The following MACROD2 variants were observed in gnomAD, a reference collection of about 807,000 sequenced individuals.
MACROD2 encodes the protein ADP-ribose glycohydrolase MACROD2.
In MACROD2, 36 loss-of-function variants were observed where a neutral mutation model predicts 70.4. The ratio of observed to expected loss-of-function variants is 0.51; its 90% CI spans 0.39 to 0.68. The LOEUF is 0.68. Ranked by LOEUF, MACROD2 falls within the 30% of genes least tolerant of loss-of-function variation. The pLI is 0.00. For synonymous variants in MACROD2, 172 were observed against 178.8 expected (o/e 0.96, Z 0.30); for missense variants, 496 against 538.4 (o/e 0.92, Z 0.78).
intron 7 of MACROD2, among the ~76,000 whole-genome samples, chr20:15,491,558 C>T (rs745708886): frequency 2.0e-5 from 3 of 152,220 alleles, no homozygotes; most frequent in Non-Finnish European, 4.4e-5. Context: ...CCACTGTGGG[C>T]AAGTGGAGTG....
chr20:16,041,019 C>T (rs1045673188), intron 15 of MACROD2, among the ~76,000 whole-genome samples, 182 bp from the exon 16 acceptor site: 3 of 151,946 alleles, frequency 2.0e-5, no homozygotes, highest in African/African-American at 7.2e-5. Context: ...ACTTAGAAGG[C>T]CACACAAAAG....
intron 3 of MACROD2, among the ~76,000 whole-genome samples, chr20:14,096,514 G>T (rs994103777): frequency 1.3e-5 from 2 of 151,798 alleles, no homozygotes; most frequent in African/African-American, 4.8e-5. Flanking sequence ...TTACAGGCAG[G>T]CAGCACCACA....
At chr20:15,593,920 G>A (rs1428275984) in intron 8 of MACROD2, among the ~76,000 whole-genome samples, 3 of 152,068 alleles carry the variant, frequency 2.0e-5, no homozygotes, top group African/African-American at 7.2e-5. Context: ...GCCCTCCCTC[G>A]CCCCATGTAC....
intron 13 of MACROD2, among the ~76,000 whole-genome samples, chr20:15,968,190 G>A (rs1469129997): frequency 6.6e-6 from 1 of 152,130 alleles, no homozygotes; most frequent in Non-Finnish European, 1.5e-5. Context: ...AAATGATAAA[G>A]AAAGGCTTTT....
intron 12 of MACROD2, among the ~76,000 whole-genome samples, chr20:15,949,566 A>C (rs2147361666): frequency 6.6e-6 from 1 of 152,292 alleles, no homozygotes; most frequent in Non-Finnish European, 1.5e-5. Context: ...AAGCAGAAAC[A>C]CCTAAGAAAT....
At chr20:14,429,464 A>T (rs1231321452) in intron 3 of MACROD2, among the ~76,000 whole-genome samples, 1 of 152,216 alleles carries the variant, frequency 6.6e-6, no homozygotes, top group East Asian at 1.9e-4. Context: ...ATGGAAAGAG[A>T]TCAAGTAATG....
chr20:13,999,904 C>A (rs1973974679), intron 1 of MACROD2, among the ~76,000 whole-genome samples: 1 of 152,162 alleles, frequency 6.6e-6, no homozygotes, highest in Admixed American at 6.5e-5. Flanking sequence ...GTCCCAGCTA[C>A]TCAGGAGGCT....
At chr20:15,912,461 G>T (rs1045246084) in intron 10 of MACROD2, among the ~76,000 whole-genome samples, 1 of 152,226 alleles carries the variant, frequency 6.6e-6, no homozygotes, top group Non-Finnish European at 1.5e-5. Context: ...CTGAAGTAAT[G>T]TGAAGAGCCA....
At chr20:15,039,634 G>A (rs1434327974) in intron 5 of MACROD2, among the ~76,000 whole-genome samples, 1 of 151,580 alleles carries the variant, frequency 6.6e-6, no homozygotes, top group African/African-American at 2.4e-5. Context: ...GGGAGAGTGG[G>A]AGAGGAGAGT....
At chr20:15,013,921 G>A (rs966946176) in intron 5 of MACROD2, among the ~76,000 whole-genome samples, 2 of 152,306 alleles carry the variant, frequency 1.3e-5, no homozygotes, top group Middle Eastern at 3.4e-3. Context: ...AGAAGATGAT[G>A]CAAATCATCA....
At chr20:14,586,311 T>A (rs1299136928) in intron 4 of MACROD2, among the ~76,000 whole-genome samples, 1 of 152,026 alleles carries the variant, frequency 6.6e-6, no homozygotes, top group Non-Finnish European at 1.5e-5. Context: ...GCATATTCTT[T>A]GAATAAATGA....
chr20:15,426,116 C>T (rs569540413), intron 6 of MACROD2, among the ~76,000 whole-genome samples: 3 of 151,510 alleles, frequency 2.0e-5, no homozygotes, highest in South Asian at 2.1e-4. Flanking sequence ...CCTTTGTTCA[C>T]TTGTTTATCT....
At chr20:14,045,099 G>A (rs551759841) in intron 2 of MACROD2, among the ~76,000 whole-genome samples, 3 of 152,228 alleles carry the variant, frequency 2.0e-5, no homozygotes, top group Non-Finnish European at 2.9e-5. Flanking sequence ...AGGAGCCCAC[G>A]CCCACCTGGA....
chr20:14,887,269 C>G (rs2073689384), intron 5 of MACROD2, among the ~76,000 whole-genome samples: 1 of 151,976 alleles, frequency 6.6e-6, no homozygotes, highest in African/African-American at 2.4e-5. Context: ...AGGGGCTACA[C>G]AAATCAAGAG....
chr20:14,179,284 A>G (rs1194009664), intron 3 of MACROD2, among the ~76,000 whole-genome samples: 1 of 152,176 alleles, frequency 6.6e-6, no homozygotes, highest in African/African-American at 2.4e-5. Context: ...TTGTAAGAAG[A>G]TATGTTACTA....
chr20:15,278,402 A>AG (rs1227950453), intron 6 of MACROD2, among the ~76,000 whole-genome samples: 1 of 152,186 alleles, frequency 6.6e-6, no homozygotes, highest in Non-Finnish European at 1.5e-5. Flanking sequence ...AAAAGTGAAC[A>AG]GGATGCAGTA....
chr20:15,511,292 T>C (rs530085039), intron 8 of MACROD2, among the ~76,000 whole-genome samples: 5 of 152,226 alleles, frequency 3.3e-5, no homozygotes, highest in East Asian at 1.9e-4. Flanking sequence ...ATAAGACATA[T>C]GAATTCTCTT....
In MACROD2 at chr20:15,572,825, C is replaced by A. The variant is rs113037643; in HGVS notation, c.645+72978C>A. ...CATATTATCAAAGTGACATGCAAAG[C>A]CTGAGAAAGATGTAGCCCCAGGAGG... On this transcript the variant is annotated intron_variant, in intron 8 of 17. Transcript: ENST00000684519. 3.3e-5 allele frequency among the ~76,000 whole-genome samples: 5 copies of A among 152,118 alleles called. No homozygotes were observed. In the East Asian group the frequency reaches 7.7e-4, roughly 23 times the overall value.
chr20:15,120,940 A>G (rs941743193), intron 5 of MACROD2, among the ~76,000 whole-genome samples: 1 of 152,118 alleles, frequency 6.6e-6, no homozygotes, highest in Admixed American at 6.5e-5. Flanking sequence ...CATTAACACC[A>G]TACCTGTATC....
Sources: gnomAD v4.1 joint callset for allele counts (sites outside exome capture counted in the v4.1 genomes callset) on GRCh38, gnomAD v4.1.1 for gene constraint, MANE v1.5 for transcripts, NCBI Gene and HGNC (gene_info 2026-07-23, HGNC 2026-07-21) for gene names.